The following WDFY3 variants were observed in gnomAD, a reference collection of about 807,000 sequenced individuals.
WDFY3 encodes the protein WD repeat and FYVE domain containing 3.
Under a neutral mutation model 409.6 loss-of-function variants are expected in WDFY3, and 66 were observed. That is an observed-to-expected ratio of 0.16 (90% CI 0.13 to 0.20). The LOEUF (loss-of-function observed/expected upper bound fraction) is 0.20. WDFY3 is among the 10% of genes least tolerant of loss of function. WDFY3 has a pLI of 1.00. For missense variants in WDFY3, 3,031 were observed against 4,298.1 expected, an observed-to-expected ratio of 0.71 and a Z score of 8.24; for synonymous variants, 1,521 against 1,537.1, an observed-to-expected ratio of 0.99 and a Z score of 0.25.
chr4:84,906,533 C>T (rs1767064302), intron 2 of WDFY3, among the ~76,000 whole-genome samples: 2 of 152,270 alleles, frequency 1.3e-5, no homozygotes, highest in South Asian at 4.1e-4. Context: ...TAACCACAGT[C>T]ATCCCTTGGT....
In WDFY3 at chr4:84,860,745, ACTT is replaced by A. The variant is rs1288836194; in HGVS notation, c.-31-126_-31-124del. 1.0e-5 allele frequency: 9 copies of A among 898,984 alleles called. No individual in the cohort carries two copies. In the African/African-American group the frequency reaches 1.6e-4, roughly 16 times the overall value. The allele number at this position is 898,984 out of a possible 1,614,324, so 55.7% of individuals were successfully genotyped here. A position where few individuals can be genotyped will look rare whatever the true frequency, so the allele number is the denominator to read the frequency against. On this transcript the variant is annotated intron_variant, in intron 3 of 67. Transcript: ENST00000295888. ...AATTCTGTCTAAAATATATCTTTCT[ACTT>A]CTTTAAACAGAAAAGACAGAGAAGC...
intron 34 of WDFY3, among the ~76,000 whole-genome samples, chr4:84,754,403 G>A (rs1741073180): frequency 6.6e-6 from 1 of 152,056 alleles, no homozygotes; most frequent in Admixed American, 6.5e-5. Context: ...CTTTTCTTAT[G>A]TCTTTATAGT....
chr4:84,963,121 A>G (rs1462703614), intron 1 of WDFY3, among the ~76,000 whole-genome samples: 1 of 150,922 alleles, frequency 6.6e-6, no homozygotes. Context: ...CAAACAAACA[A>G]AAAAACAAAA....
In WDFY3 at chr4:84,885,146, G is replaced by A. The variant is rs1473894989; in HGVS notation, c.-32+11765C>T. Among the ~76,000 whole-genome samples the A allele has an allele frequency of 4.6e-5, 7 of 151,974 alleles. No individual in the cohort carries two copies. The South Asian group carries it at 1.0e-3, about 23-fold the overall frequency. On this transcript the variant is annotated intron_variant, in intron 3 of 67. Coordinates refer to ENST00000295888, the MANE Select transcript of WDFY3 (RefSeq NM_014991.6). The stretch of plus-strand genomic sequence containing the variant: ...CTCCTGAGTAGCTGGGATTACAGGC[G>A]TGCACCACCATGCCTGGCTAATTTT...
chr4:84,955,383 C>G (rs1774114051), intron 1 of WDFY3, among the ~76,000 whole-genome samples: 1 of 152,142 alleles, frequency 6.6e-6, no homozygotes, highest in Admixed American at 6.5e-5. Context: ...TGTCTAATAC[C>G]TGTTGCTCTT....
At position 84,876,685 on chromosome 4, in the gene WDFY3, TA is replaced by T. The variant is rs58141520; in HGVS notation, c.-31-16064del. On this transcript the variant is annotated intron_variant, in intron 3 of 67. Transcript: ENST00000295888. ...TAAGTGGTTGGTGAATAATAAATGTTAAAAAAAAAAAACTTACATAGAGTTA... is the reference window on the plus strand; with the variant it reads ...TAAGTGGTTGGTGAATAATAAATGTTAAAAAAAAAAACTTACATAGAGTTA... Among the ~76,000 whole-genome samples, 116 of 145,210 alleles carry T rather than the reference TA, an allele frequency of 8.0e-4. 2 individuals are homozygous for T. Among genetic ancestry groups the T allele is most frequent in the South Asian group, 1.7e-3 (8 of 4,582 alleles).
intron 66 of WDFY3, 117 bp from the exon 67 acceptor site, chr4:84,677,513 G>C: frequency 1.1e-6 from 1 of 923,364 alleles, no homozygotes; most frequent in Non-Finnish European, 1.6e-6. Context: ...AAGGGTCCTG[G>C]AGAGACCCCT....
chr4:84,883,656 T>G (rs890887306), intron 3 of WDFY3, among the ~76,000 whole-genome samples: 2 of 152,176 alleles, frequency 1.3e-5, no homozygotes, highest in African/African-American at 4.8e-5. Flanking sequence ...ACCTAGCTGT[T>G]ATTTTCATTC....
intron 64 of WDFY3, among the ~76,000 whole-genome samples, chr4:84,682,018 T>C (rs112041838): frequency 3.9e-5 from 6 of 152,278 alleles, no homozygotes; most frequent in African/African-American, 1.4e-4. Flanking sequence ...GCAGAACAAA[T>C]GTGGGGCTGG....
intron 44 of WDFY3, among the ~76,000 whole-genome samples, chr4:84,727,256 CAAAA>C (rs2149123116): frequency 6.6e-6 from 1 of 151,588 alleles, no homozygotes; most frequent in South Asian, 2.1e-4. Flanking sequence ...AAACAAAAAA[CAAAA>C]AACCTGAAAT....
chr4:84,864,125 G>C (rs1238783971), intron 3 of WDFY3, among the ~76,000 whole-genome samples: 2 of 152,062 alleles, frequency 1.3e-5, no homozygotes, highest in African/African-American at 4.8e-5. Context: ...CCAGCATTTT[G>C]GGAGGACGAG....
rs1212192204 is a variant in WDFY3, at chr4:84,672,126, T to C, written c.*742A>G. 6.6e-6 allele frequency: 1 copy of C among 152,226 alleles called. No individual in the cohort carries two copies. Among genetic ancestry groups the C allele is most frequent in the Non-Finnish European group, 1.5e-5 (1 of 68,038 alleles). 9.4% of individuals were successfully genotyped at this position (152,226 alleles called of 1,614,324 possible). A position where few individuals can be genotyped will look rare whatever the true frequency, so the allele number is the denominator to read the frequency against. On this transcript the variant is annotated 3_prime_UTR_variant, in exon 68 of 68. Coordinates refer to ENST00000295888, the MANE Select transcript of WDFY3 (RefSeq NM_014991.6). The stretch of plus-strand genomic sequence containing the variant: ...ACAAGACGCCCAAATATTTCCAGTT[T>C]ATCTTACGGCTGGACTCCTATTCTC...
intron 58 of WDFY3, among the ~76,000 whole-genome samples, chr4:84,695,491 C>A (rs1330791900): frequency 7.1e-6 from 1 of 140,236 alleles, no homozygotes; most frequent in African/African-American, 2.8e-5. Flanking sequence ...GACACACACA[C>A]ACAGAGACAG....
intron 32 of WDFY3, among the ~76,000 whole-genome samples, chr4:84,764,882 G>C (rs1272446386): frequency 1.4e-5 from 2 of 147,578 alleles, no homozygotes; most frequent in African/African-American, 5.0e-5. Flanking sequence ...AAAAAAAAAA[G>C]ATCTGTCTTC....
rs965667455 is a variant in WDFY3, at chr4:84,904,846, C to A, written c.-131-7836G>T. On this transcript the variant is annotated intron_variant, in intron 2 of 67. Coordinates refer to ENST00000295888, the MANE Select transcript of WDFY3 (RefSeq NM_014991.6). ...TCCATTTGGTCACTTACAGATGTCA[C>A]AAAAGTAACAAGTTCAAAAATAAGG... Among the ~76,000 whole-genome samples, 3 of 152,218 alleles carry A rather than the reference C, an allele frequency of 2.0e-5. No homozygotes were observed. In the East Asian group the frequency reaches 5.8e-4, roughly 29 times the overall value.
chr4:84,851,176 G>C (rs756380123), intron 4 of WDFY3, among the ~76,000 whole-genome samples: 3 of 151,446 alleles, frequency 2.0e-5, no homozygotes, highest in Non-Finnish European at 4.4e-5. Flanking sequence ...CATAAGAAAA[G>C]AAATGGTATT....
chr4:84,689,373 C>A (rs562993841), intron 61 of WDFY3, among the ~76,000 whole-genome samples: 1 of 152,126 alleles, frequency 6.6e-6, no homozygotes, highest in Non-Finnish European at 1.5e-5. Context: ...AGCAGGAAGT[C>A]CTTTTTCCTG....
intron 1 of WDFY3, among the ~76,000 whole-genome samples, chr4:84,938,499 G>T (rs1335405082): frequency 6.6e-6 from 1 of 152,084 alleles, no homozygotes; most frequent in Non-Finnish European, 1.5e-5. Flanking sequence ...ACTAACTGCT[G>T]TCATATTTAA....
chr4:84,703,252 A>G (rs1731363385), intron 55 of WDFY3, among the ~76,000 whole-genome samples: 1 of 152,232 alleles, frequency 6.6e-6, no homozygotes, highest in Non-Finnish European at 1.5e-5. Context: ...AAGTTCTCAT[A>G]CTAATGAAAA....
Sources: gnomAD v4.1 joint callset for allele counts (sites outside exome capture counted in the v4.1 genomes callset) on GRCh38, gnomAD v4.1.1 for gene constraint, MANE v1.5 for transcripts, NCBI Gene and HGNC (gene_info 2026-07-23, HGNC 2026-07-21) for gene names.